RNF115: variants seen among roughly 807,000 people sequenced by gnomAD.
The protein encoded by RNF115 is E3 ubiquitin-protein ligase RNF115.
RNF115 carries 31 observed loss-of-function variants against 39.2 expected under a neutral mutation model. That is an observed-to-expected ratio of 0.79 (90% CI 0.59 to 1.07). RNF115 has a LOEUF of 1.07. RNF115 is among the 50% of genes least tolerant of loss of function. RNF115 has a pLI of 0.00. For synonymous variants in RNF115, 124 were observed against 131.0 expected, an observed-to-expected ratio of 0.95 and a Z score of 0.37; for missense variants, 384 against 381.7, an observed-to-expected ratio of 1.01 and a Z score of -0.05.
intron 1 of RNF115, among the ~76,000 whole-genome samples, chr1:145,821,988 CA>C (rs1228804756): frequency 1.4e-4 from 19 of 139,882 alleles, no homozygotes; most frequent in South Asian, 2.2e-4. Flanking sequence ...GAAATATGGC[CA>C]AAAAAAAAAA....
chr1:145,796,309 GAAATA>G (rs1367991889), intron 1 of RNF115, among the ~76,000 whole-genome samples: 7 of 152,052 alleles, frequency 4.6e-5, no homozygotes, highest in East Asian at 3.9e-4. Flanking sequence ...GATGAGGACA[GAAATA>G]AAATAAGATT....
At chr1:145,761,769 C>T (rs1168141942) in intron 4 of RNF115, among the ~76,000 whole-genome samples, 10 of 152,320 alleles carry the variant, frequency 6.6e-5, no homozygotes, top group African/African-American at 1.9e-4. Flanking sequence ...AGTGGGCCAC[C>T]ATCTTCCAGA....
Position 145,810,696 on chromosome 1 carries a change from G to A in RNF115, c.102+13076C>T, listed in dbSNP as rs587604530. 1.6e-3 allele frequency among the ~76,000 whole-genome samples: 232 copies of A among 146,766 alleles called. 1 individual carries two copies. The highest frequency in any genetic ancestry group is 5.7e-3 in the African/African-American group (225 of 39,662). The stretch of plus-strand genomic sequence containing the variant: ...AAAAAGTGTTACTGACATTCAATTG[G>A]CAGAGGCCAGGAAAGCATAGGCAAG... On this transcript the variant is annotated intron_variant, in intron 1 of 8. Coordinates refer to ENST00000582693, the MANE Select transcript of RNF115 (RefSeq NM_014455.4).
chr1:145,811,883 C>CAAAAAAAAAAAAA (rs67086842), intron 1 of RNF115, among the ~76,000 whole-genome samples: 10 of 35,856 alleles, frequency 2.8e-4, no homozygotes, highest in Non-Finnish European at 5.3e-4. Context: ...TTCTGTCTCA[C>CAAAAAAAAAAAAA]AAAAAAAAAA....
chr1:145,756,408 C>A (rs150052663), intron 4 of RNF115, among the ~76,000 whole-genome samples: 125 of 151,624 alleles, frequency 8.2e-4, no homozygotes, highest in African/African-American at 3.0e-3. Flanking sequence ...TGCACTGAGC[C>A]GAGATTGCAC....
At chr1:145,767,240 C>T (rs1428360249) in intron 4 of RNF115, among the ~76,000 whole-genome samples, 1 of 150,400 alleles carries the variant, frequency 6.6e-6, no homozygotes, top group South Asian at 2.1e-4. Context: ...GGCGGAGGGG[C>T]TCCTCACTTC....
chr1:145,790,134 T>G (rs587699775), intron 1 of RNF115, among the ~76,000 whole-genome samples: 1 of 152,200 alleles, frequency 6.6e-6, no homozygotes, highest in South Asian at 2.1e-4. Context: ...ATTTTAAAAT[T>G]TAGGTTATTT....
chr1:145,751,597 TTC>T (rs1553712508), intron 5 of RNF115, 87 bp from the exon 6 acceptor site: 2 of 813,054 alleles, frequency 2.5e-6, no homozygotes, highest in African/African-American at 1.7e-5. Flanking sequence ...AGGGATCCTG[TTC>T]TCTCTCAGAG....
chr1:145,801,780 C>T (rs997931276), intron 1 of RNF115, among the ~76,000 whole-genome samples: 1 of 151,888 alleles, frequency 6.6e-6, no homozygotes, highest in Non-Finnish European at 1.5e-5. Flanking sequence ...AATTCAGTAA[C>T]TCATTTCTCT....
At chr1:145,815,415 CA>C (rs1310999149) in intron 1 of RNF115, among the ~76,000 whole-genome samples, 2 of 152,230 alleles carry the variant, frequency 1.3e-5, no homozygotes, top group African/African-American at 2.4e-5. Context: ...TCATCAATAC[CA>C]AAAGTAGGTT....
intron 4 of RNF115, among the ~76,000 whole-genome samples, chr1:145,769,559 C>T (rs1365164183): frequency 6.6e-6 from 1 of 151,800 alleles, no homozygotes; most frequent in Non-Finnish European, 1.5e-5. Context: ...ATCTAGTTCC[C>T]AAAAAGATAC....
Position 145,740,114 on chromosome 1 carries a change from T to G in RNF115, c.*6752A>C. The G allele has an allele frequency of 6.6e-6, 1 of 152,338 alleles. No individual in the cohort carries two copies. The highest frequency in any genetic ancestry group is 1.5e-5 in the Non-Finnish European group (1 of 68,024). The allele number at this position is 152,338 out of a possible 1,614,324, so 9.4% of individuals were successfully genotyped here. On this transcript the variant is annotated 3_prime_UTR_variant, in exon 9 of 9. Coordinates refer to ENST00000582693, the MANE Select transcript of RNF115 (RefSeq NM_014455.4). The stretch of plus-strand genomic sequence containing the variant: ...AGTTAGTTCTGTGTTTCTAACTAAA[T>G]AATAAACTCACATAGGTAGAGATGT...
At position 145,798,663 on chromosome 1, in the gene RNF115, A is replaced by G. The variant is rs1269880076; in HGVS notation, c.103-9697T>C. Among the ~76,000 whole-genome samples, 3 of 152,184 alleles carry G rather than the reference A, an allele frequency of 2.0e-5. No homozygotes were observed. The East Asian group carries it at 5.8e-4, about 29-fold the overall frequency. On this transcript the variant is annotated intron_variant, in intron 1 of 8. Transcript: ENST00000582693. ...CTATTAGGGGTAACGTGAGATTCCAAATTAATTTTGGGATGAAACTTCTAT... is the reference window on the plus strand; with the variant it reads ...CTATTAGGGGTAACGTGAGATTCCAGATTAATTTTGGGATGAAACTTCTAT...
chr1:145,759,412 A>G (rs1393957698), intron 4 of RNF115, among the ~76,000 whole-genome samples: 1 of 152,142 alleles, frequency 6.6e-6, no homozygotes, highest in Non-Finnish European at 1.5e-5. Context: ...TCCCCATGTC[A>G]GTGGATGGTG....
chr1:145,791,532 AAGAG>A (rs1310093115), intron 1 of RNF115, among the ~76,000 whole-genome samples: 2 of 151,576 alleles, frequency 1.3e-5, no homozygotes, highest in African/African-American at 2.4e-5. Context: ...AAAAAAGAGA[AAGAG>A]AGACATAAAC....
intron 3 of RNF115, chr1:145,772,405 C>G (rs1399674318): frequency 1.3e-5 from 2 of 155,844 alleles, no homozygotes; most frequent in East Asian, 3.8e-4. Context: ...TCTTACAGGG[C>G]AGGTCTATTA....
intron 1 of RNF115, among the ~76,000 whole-genome samples, chr1:145,803,873 G>C (rs1223330585): frequency 2.6e-5 from 4 of 152,128 alleles, no homozygotes; most frequent in Admixed American, 1.3e-4. Flanking sequence ...AATTTTCTAA[G>C]GAAGAAACAC....
chr1:145,771,978 T>G (rs2101532425), intron 3 of RNF115, 59 bp from the exon 4 acceptor site: 2 of 1,385,776 alleles, frequency 1.4e-6, no homozygotes, highest in Non-Finnish European at 2.0e-6. Flanking sequence ...ACACCTGGAT[T>G]GTTTACAGTT....
intron 3 of RNF115, among the ~76,000 whole-genome samples, chr1:145,775,793 C>T (rs1647857212): frequency 6.6e-6 from 1 of 151,856 alleles, no homozygotes; most frequent in Non-Finnish European, 1.5e-5. Flanking sequence ...GCCAGAAGTT[C>T]GAGATCAGCC....
Sources: gnomAD v4.1 joint callset for allele counts (sites outside exome capture counted in the v4.1 genomes callset) on GRCh38, gnomAD v4.1.1 for gene constraint, MANE v1.5 for transcripts, NCBI Gene and HGNC (gene_info 2026-07-23, HGNC 2026-07-21) for gene names.